EPS8: variants seen among roughly 807,000 people sequenced by gnomAD.
EPS8 encodes the protein EGFR pathway substrate 8, signaling adaptor.
In EPS8, 42 loss-of-function variants were observed where a neutral mutation model predicts 103.8. That is an observed-to-expected ratio of 0.40 (90% CI 0.32 to 0.52). The LOEUF (loss-of-function observed/expected upper bound fraction) is 0.52. Ranked by LOEUF, EPS8 falls within the 20% of genes least tolerant of loss-of-function variation. EPS8 has a pLI of 0.40. For missense variants in EPS8, 969 were observed against 1,005.1 expected (o/e 0.96, Z 0.49); for synonymous variants, 344 against 344.6 (o/e 1.00, Z 0.02).
rs1962580 is a variant in EPS8 at position 15,747,935 on chromosome 12, G to A, written c.-22+41226C>T. ...CTCGGGAGTCTGAGGCAGGAGAATC[G>A]CTTGAACCCGGGAGGCGGAGATTGC... On this transcript the variant is annotated intron_variant, in intron 1 of 20. Transcript: ENST00000281172. This position sits in a 1 kb window ranked among gnomAD's most constrained non-coding sequence, Gnocchi z 4.4. 8.3e-3 allele frequency among the ~76,000 whole-genome samples: 1,257 copies of A among 152,074 alleles called. 23 individuals carry two copies. The highest frequency in any genetic ancestry group is 0.028 in the African/African-American group (1,161 of 41,460).
chr12:15,632,254 G>C (rs910790631), intron 17 of EPS8, among the ~76,000 whole-genome samples: 13 of 152,074 alleles, frequency 8.5e-5, no homozygotes, highest in African/African-American at 2.9e-4. Context: ...TGAGGGTAAT[G>C]GTATGGTCTT....
chr12:15,633,528 CTG>C (rs1325653640), intron 17 of EPS8, among the ~76,000 whole-genome samples: 1 of 152,166 alleles, frequency 6.6e-6, no homozygotes, highest in African/African-American at 2.4e-5. Flanking sequence ...AGTGAATAAA[CTG>C]TGTTACTGTC....
Position 15,748,055 on chromosome 12 carries a change from T to C in EPS8, c.-22+41106A>G, listed in dbSNP as rs1946894044. ...ACAAAAACAAAACAAAAAAAAGTAA[T>C]GCCTCATGCATGCAAAAAAGGCAGA... On this transcript the variant is annotated intron_variant, in intron 1 of 20. Transcript: ENST00000281172. This position sits in a 1 kb window ranked among gnomAD's most constrained non-coding sequence, Gnocchi z 4.8. Among the ~76,000 whole-genome samples the C allele has an allele frequency of 6.6e-6, 1 of 152,046 alleles. No homozygotes were observed. The highest frequency in any genetic ancestry group is 6.6e-5 in the Admixed American group (1 of 15,262).
At position 15,748,666 on chromosome 12, in the gene EPS8, C is replaced by T. The variant is rs887425869; in HGVS notation, c.-22+40495G>A. Among the ~76,000 whole-genome samples the T allele has an allele frequency of 5.9e-5, 9 of 152,100 alleles. No homozygotes were observed. Among genetic ancestry groups the T allele is most frequent in the Non-Finnish European group, 1.0e-4 (7 of 68,016 alleles). On this transcript the variant is annotated intron_variant, in intron 1 of 20. Coordinates refer to ENST00000281172, the MANE Select transcript of EPS8 (RefSeq NM_004447.6). The surrounding 1 kb of genome is among the most constrained non-coding windows in gnomAD (Gnocchi z 4.8). ...TGATATAAAGAAAAGAAAATATGCCCAGTTAGTTTAAAATGGAATAACTCT... is the reference window on the plus strand; with the variant it reads ...TGATATAAAGAAAAGAAAATATGCCTAGTTAGTTTAAAATGGAATAACTCT...
intron 2 of EPS8, among the ~76,000 whole-genome samples, chr12:15,682,216 C>T (rs1946020674): frequency 6.6e-6 from 1 of 152,204 alleles, no homozygotes; most frequent in Non-Finnish European, 1.5e-5. Flanking sequence ...CCAGAATAGA[C>T]GAATGACTGG....
chr12:15,621,121 T>G lies in EPS8; in HGVS notation c.*196A>C, dbSNP rs546138109. The G allele has an allele frequency of 2.8e-5, 12 of 434,708 alleles. No individual in the cohort carries two copies. The highest frequency in any genetic ancestry group is 2.1e-4 in the African/African-American group (10 of 48,552). The allele number at this position is 434,708 out of a possible 1,614,324, so 26.9% of individuals were successfully genotyped here. ...TATTTTCCAAGGTCAAAAAATTCAG[T>G]TTAAATTTTTTCAGTTTTAATAAAA... On this transcript the variant is annotated 3_prime_UTR_variant, in exon 21 of 21. Transcript: ENST00000281172.
chr12:15,740,040 G>A (rs995687525), intron 1 of EPS8, among the ~76,000 whole-genome samples: 14 of 152,006 alleles, frequency 9.2e-5, no homozygotes, highest in Non-Finnish European at 1.6e-4. Flanking sequence ...AAGCTACTCC[G>A]AGGTGACGGC....
At chr12:15,720,692 G>A (rs1412284559) in intron 1 of EPS8, among the ~76,000 whole-genome samples, 1 of 152,086 alleles carries the variant, frequency 6.6e-6, no homozygotes, top group Non-Finnish European at 1.5e-5. Flanking sequence ...TCACCTAAAA[G>A]CCCTTTTAGG....
chr12:15,692,813 A>G (rs1280971480), intron 1 of EPS8, among the ~76,000 whole-genome samples: 1 of 151,196 alleles, frequency 6.6e-6, no homozygotes, highest in East Asian at 1.9e-4. Flanking sequence ...TATTTCTTCT[A>G]TCAGTTCCAT....
chr12:15,672,159 A>G (rs551343525), intron 3 of EPS8, among the ~76,000 whole-genome samples: 1 of 152,268 alleles, frequency 6.6e-6, no homozygotes, highest in East Asian at 1.9e-4. Flanking sequence ...TCTATAATAG[A>G]TAAGTTGTTT....
chr12:15,731,277 C>A lies in EPS8; in HGVS notation c.-21-48305G>T, dbSNP rs879696144. Among the ~76,000 whole-genome samples the A allele has an allele frequency of 2.0e-5, 3 of 151,960 alleles. No homozygotes were observed. The highest frequency in any genetic ancestry group is 7.3e-5 in the African/African-American group (3 of 41,376). On this transcript the variant is annotated intron_variant, in intron 1 of 20. Coordinates refer to ENST00000281172, the MANE Select transcript of EPS8 (RefSeq NM_004447.6). The surrounding 1 kb of genome is among the most constrained non-coding windows in gnomAD (Gnocchi z 5.1). Reference sequence around the variant, plus strand: ...ATTCAGAATATAAAACTTTAATAAGCCTTCCACCATTAAAAATATTTAATT... The same window carrying A: ...ATTCAGAATATAAAACTTTAATAAGACTTCCACCATTAAAAATATTTAATT...
intron 1 of EPS8, among the ~76,000 whole-genome samples, chr12:15,686,488 T>A (rs1411443954): frequency 1.3e-5 from 2 of 152,210 alleles, no homozygotes; most frequent in East Asian, 3.8e-4. Flanking sequence ...GTAGTTACTA[T>A]AATTTTATCT....
chr12:15,627,927 G>A (rs1944976393), intron 18 of EPS8, among the ~76,000 whole-genome samples: 1 of 152,164 alleles, frequency 6.6e-6, no homozygotes, highest in Non-Finnish European at 1.5e-5. Context: ...TGTGACCAAT[G>A]TTCTATGATT....
At chr12:15,651,095 C>A (rs989235406) in intron 13 of EPS8, 89 bp from the exon 14 acceptor site, 2 of 971,910 alleles carry the variant, frequency 2.1e-6, no homozygotes, top group African/African-American at 3.2e-5. Flanking sequence ...GACATACACA[C>A]GCACACACAC....
Position 15,681,217 on chromosome 12 carries a change from C to G in EPS8, c.136+9G>C, listed in dbSNP as rs1024403746. On this transcript the variant is annotated intron_variant, in intron 3 of 20. Coordinates refer to ENST00000281172, the MANE Select transcript of EPS8 (RefSeq NM_004447.6). ...ACAAAATTATACCCTATCAAATAAACAAACCTACCATAAAGGGCCTTTGCA... is the reference window on the plus strand; with the variant it reads ...ACAAAATTATACCCTATCAAATAAAGAAACCTACCATAAAGGGCCTTTGCA... The G allele has an allele frequency of 1.3e-5, 20 of 1,489,104 alleles. No homozygotes were observed. In the Admixed American group the frequency reaches 3.1e-4, roughly 23 times the overall value. 92.2% of individuals were successfully genotyped at this position (1,489,104 alleles called of 1,614,324 possible).
rs940535298 is a variant in EPS8 at position 15,727,229 on chromosome 12, A to G, written c.-21-44257T>C. 2.0e-5 allele frequency among the ~76,000 whole-genome samples: 3 copies of G among 152,228 alleles called. No homozygotes were observed. Among genetic ancestry groups the G allele is most frequent in the African/African-American group, 7.2e-5 (3 of 41,464 alleles). ...TCTGATTACTTCCCTCGTGGATTTA[A>G]TATCTACCTTTATACGTAGGACTTT... On this transcript the variant is annotated intron_variant, in intron 1 of 20. Transcript: ENST00000281172. The surrounding 1 kb of genome is among the most constrained non-coding windows in gnomAD (Gnocchi z 4.3).
At chr12:15,765,701 T>A (rs894431140) in intron 1 of EPS8, among the ~76,000 whole-genome samples, 1 of 151,984 alleles carries the variant, frequency 6.6e-6, no homozygotes, top group African/African-American at 2.4e-5. Context: ...TACAAAGAAG[T>A]GATTTTCAAA....
chr12:15,743,099 G>A (rs1222328724), intron 1 of EPS8, among the ~76,000 whole-genome samples: 1 of 152,172 alleles, frequency 6.6e-6, no homozygotes, highest in Non-Finnish European at 1.5e-5. Context: ...AAAATCACAA[G>A]CATTCCTATA....
intron 1 of EPS8, among the ~76,000 whole-genome samples, chr12:15,712,258 A>T (rs1946475930): frequency 6.6e-6 from 1 of 152,164 alleles, no homozygotes; most frequent in African/African-American, 2.4e-5. Flanking sequence ...AAAAACTTTA[A>T]ATACACATAT....
Sources: gnomAD v4.1 joint callset for allele counts (sites outside exome capture counted in the v4.1 genomes callset) on GRCh38, gnomAD v4.1.1 for gene constraint, Gnocchi (gnomAD v3.1) non-coding constraint, MANE v1.5 for transcripts, NCBI Gene and HGNC (gene_info 2026-07-23, HGNC 2026-07-21) for gene names.